PDE4D: variants seen among roughly 807,000 people sequenced by gnomAD.
The protein encoded by PDE4D is 3',5'-cyclic-AMP phosphodiesterase 4D.
A neutral mutation model predicts 87.4 loss-of-function variants in PDE4D; 24 were observed. The observed-to-expected ratio is 0.27, with a 90% CI of 0.20 to 0.39. The LOEUF (loss-of-function observed/expected upper bound fraction) is 0.39. Among genes scored for constraint, PDE4D ranks in the 10% least tolerant of loss-of-function variants. The pLI, the probability that PDE4D is intolerant of heterozygous loss-of-function variation, is 1.00. For missense variants in PDE4D, 714 were observed against 1,041.0 expected (o/e 0.69, Z 4.32); for synonymous variants, 384 against 383.2 (o/e 1.00, Z -0.02).
At chr5:60,316,273 T>C (rs996926096) in intron 1 of PDE4D, among the ~76,000 whole-genome samples, 2 of 152,202 alleles carry the variant, frequency 1.3e-5, no homozygotes, top group South Asian at 2.1e-4. Flanking sequence ...CACTCATGAT[T>C]TGGCTCTCTG....
At chr5:59,243,874 A>T (rs1758225678) in intron 1 of PDE4D, among the ~76,000 whole-genome samples, 1 of 152,144 alleles carries the variant, frequency 6.6e-6, no homozygotes, top group African/African-American at 2.4e-5. Context: ...ATTTCCAAAA[A>T]TTTTGCCAAA....
rs923762063 is a variant in PDE4D at position 59,134,367 on chromosome 5, G to T, written c.808+46228C>A. On this transcript the variant is annotated intron_variant, in intron 5 of 14. Transcript: ENST00000340635. The stretch of plus-strand genomic sequence containing the variant: ...AACTGATAAAATCAACGGGACAATG[G>T]GCCTTTGAGAACAAACCATCATTAA... Among the ~76,000 whole-genome samples, 24 of 151,722 alleles carry T rather than the reference G, an allele frequency of 1.6e-4. No individual in the cohort carries two copies. The East Asian group carries it at 3.9e-3, about 24-fold the overall frequency.
intron 1 of PDE4D, among the ~76,000 whole-genome samples, chr5:60,293,718 T>A (rs1005329834): frequency 2.0e-5 from 3 of 152,218 alleles, no homozygotes; most frequent in Admixed American, 1.3e-4. Flanking sequence ...TCTCGATTCC[T>A]TGACTCAGCA....
chr5:59,225,279 A>T (rs991166668), intron 1 of PDE4D, among the ~76,000 whole-genome samples: 4 of 152,182 alleles, frequency 2.6e-5, no homozygotes, highest in African/African-American at 9.7e-5. Context: ...TTCATTGTAT[A>T]TTCTGGACAT....
chr5:59,693,036 T>C (rs1426997119), intron 1 of PDE4D, among the ~76,000 whole-genome samples: 2 of 152,090 alleles, frequency 1.3e-5, no homozygotes, highest in Non-Finnish European at 1.5e-5. Context: ...GCACATTAAT[T>C]ATAATATTAA....
chr5:59,905,700 T>A (rs375257414), intron 3 of PDE4D, among the ~76,000 whole-genome samples: 1 of 152,096 alleles, frequency 6.6e-6, no homozygotes, highest in Non-Finnish European at 1.5e-5. Context: ...ACAATATCTG[T>A]TACATAAATA....
chr5:59,650,016 T>C (rs555250314), intron 1 of PDE4D, among the ~76,000 whole-genome samples: 2 of 148,690 alleles, frequency 1.3e-5, no homozygotes, highest in East Asian at 2.0e-4. Flanking sequence ...CATCAGTTCT[T>C]AAGGTCTGAG....
At chr5:60,225,701 T>C (rs914163868) in intron 1 of PDE4D, among the ~76,000 whole-genome samples, 1 of 152,126 alleles carries the variant, frequency 6.6e-6, no homozygotes, top group East Asian at 1.9e-4. Flanking sequence ...ATAATAATGG[T>C]AACTAAAAGC....
At chr5:59,541,841 G>A (rs531910185) in intron 1 of PDE4D, among the ~76,000 whole-genome samples, 133 of 152,234 alleles carry the variant, frequency 8.7e-4, no homozygotes, top group Non-Finnish European at 1.0e-3. Context: ...CCCATTATAA[G>A]GATTTTAATT....
chr5:59,182,896 A>G (rs962130650), intron 4 of PDE4D, among the ~76,000 whole-genome samples: 2 of 152,246 alleles, frequency 1.3e-5, no homozygotes, highest in African/African-American at 4.8e-5. Flanking sequence ...TGTGCATCTG[A>G]ATACCCACCC....
At chr5:59,180,517 G>C (rs1164684967) in intron 5 of PDE4D, 78 bp downstream of exon 5, 1 of 1,061,136 alleles carries the variant, frequency 9.4e-7, no homozygotes, top group Non-Finnish European at 1.5e-6. Flanking sequence ...CATGAAATTG[G>C]TGTTGGTGTT....
chr5:59,849,532 C>G (rs1226541542), intron 1 of PDE4D, among the ~76,000 whole-genome samples: 1 of 151,798 alleles, frequency 6.6e-6, no homozygotes, highest in Non-Finnish European at 1.5e-5. Context: ...GCACTCATCT[C>G]TATTATTTAT....
chr5:60,353,930 G>A (rs947106909), intron 1 of PDE4D, among the ~76,000 whole-genome samples: 2 of 151,886 alleles, frequency 1.3e-5, no homozygotes, highest in Non-Finnish European at 2.9e-5. Context: ...CACCATTCAC[G>A]GGATCATATT....
intron 1 of PDE4D, among the ~76,000 whole-genome samples, chr5:60,367,140 A>G (rs1053345882): frequency 9.2e-5 from 14 of 152,184 alleles, no homozygotes; most frequent in African/African-American, 3.4e-4. Context: ...TACAAGAAGA[A>G]TTTTTTGTCA....
At chr5:60,266,438 A>G (rs191480544) in intron 1 of PDE4D, among the ~76,000 whole-genome samples, 26 of 152,328 alleles carry the variant, frequency 1.7e-4, no homozygotes, top group African/African-American at 6.0e-4. Context: ...TTCCAAATAG[A>G]TAAGTGCTGG....
At chr5:60,232,736 T>TCCA (rs1439711614) in intron 1 of PDE4D, among the ~76,000 whole-genome samples, 1 of 151,834 alleles carries the variant, frequency 6.6e-6, no homozygotes, top group Non-Finnish European at 1.5e-5. Context: ...AAGCCTTACA[T>TCCA]CCAGGCTATG....
chr5:60,264,667 G>A lies in PDE4D; in HGVS notation c.-89-78980C>T, dbSNP rs149438391. Among the ~76,000 whole-genome samples, 30 of 152,340 alleles carry A rather than the reference G, an allele frequency of 2.0e-4. 1 individual carries two copies. The East Asian group carries it at 5.8e-3, about 29-fold the overall frequency. ...AAGAAAAGTACATCAATCTAACACT[G>A]AGATGGCACTGAACTGGGGGTGTGG... On this transcript the variant is annotated intron_variant, in intron 1 of 16. Coordinates refer to the PDE4D transcript ENST00000502484.
At chr5:60,254,893 C>G (rs1173979097) in intron 1 of PDE4D, among the ~76,000 whole-genome samples, 1 of 151,786 alleles carries the variant, frequency 6.6e-6, no homozygotes, top group African/African-American at 2.4e-5. Context: ...CTGTACCTGG[C>G]ATATAATAAA....
intron 2 of PDE4D, among the ~76,000 whole-genome samples, chr5:60,025,186 T>C (rs1428894595): frequency 6.6e-6 from 1 of 152,190 alleles, no homozygotes; most frequent in Admixed American, 6.5e-5. Flanking sequence ...TGGCCTCACT[T>C]ATAAAGTAGT....
Sources: gnomAD v4.1 joint callset for allele counts (sites outside exome capture counted in the v4.1 genomes callset) on GRCh38, gnomAD v4.1.1 for gene constraint, MANE v1.5 for transcripts, NCBI Gene and HGNC (gene_info 2026-07-23, HGNC 2026-07-21) for gene names.